Variants in CRYBG2 observed in about 807,000 individuals in gnomAD.
The protein encoded by CRYBG2 is beta/gamma crystallin domain-containing protein 2.
CRYBG2 carries 106 observed loss-of-function variants against 153.4 expected under a neutral mutation model. The observed-to-expected ratio is 0.69, with a 90% CI of 0.59 to 0.81. CRYBG2 has a LOEUF of 0.81. Ranked by LOEUF, CRYBG2 falls within the 30% of genes least tolerant of loss-of-function variation. The probability of loss-of-function intolerance (pLI) is 0.00; values close to 1 mark genes in which losing one functional copy is unlikely to be tolerated. For missense variants in CRYBG2, 1,996 were observed against 2,112.0 expected (o/e 0.95, Z 1.08); for synonymous variants, 851 against 877.8 (o/e 0.97, Z 0.54).
In CRYBG2 at chr1:26,343,851, T is replaced by G. The variant is rs2074164328; in HGVS notation, c.2807A>C (p.His936Pro). ...LGTKLSALLP[H>P]GAPGLRKVPG... The stretch of plus-strand genomic sequence containing the variant: ...CACCTTCCTGAGCCCCGGTGCCCCA[T>G]GGGGCAGCAGAGCAGATAGTTTTGT... Residue 936 changes from histidine (H) to proline (P), a missense_variant, in exon 2 of 20, where the codon CAT becomes CCT. Coordinates refer to ENST00000308182, the MANE Select transcript of CRYBG2 (RefSeq NM_001039775.4). The surrounding 1 kb of genome is among the most constrained non-coding windows in gnomAD (Gnocchi z 4.1). The G allele has an allele frequency of 1.3e-6, 2 of 1,482,238 alleles. No individual in the cohort carries two copies. The highest frequency in any genetic ancestry group is 1.8e-6 in the Non-Finnish European group (2 of 1,113,162). 91.8% of individuals were successfully genotyped at this position (1,482,238 alleles called of 1,614,324 possible).
chr1:26,336,014 G>A lies in CRYBG2; in HGVS notation c.4184+81C>T. 8.4e-7 allele frequency: 1 copy of A among 1,187,556 alleles called. No individual in the cohort carries two copies. Among genetic ancestry groups the A allele is most frequent in the South Asian group, 1.7e-5 (1 of 59,416 alleles). The allele number at this position is 1,187,556 out of a possible 1,614,324, so 73.6% of individuals were successfully genotyped here. A position where few individuals can be genotyped will look rare whatever the true frequency, so the allele number is the denominator to read the frequency against. ...GTTCATCGCAAGGTAGCCAAAGGAAGGAAATCATTTGAAAGACTCTCCTCC... is the reference window on the plus strand; with the variant it reads ...GTTCATCGCAAGGTAGCCAAAGGAAAGAAATCATTTGAAAGACTCTCCTCC... On this transcript the variant is annotated intron_variant, in intron 14 of 19. Transcript: ENST00000308182. The surrounding 1 kb of genome is among the most constrained non-coding windows in gnomAD (Gnocchi z 4.9).
rs34287969 is a variant in CRYBG2 at position 26,329,479 on chromosome 1, A to ATT, written c.4315-608_4315-607dup. Among the ~76,000 whole-genome samples the ATT allele has an allele frequency of 1.6e-4, 23 of 139,610 alleles. No homozygotes were observed. The South Asian group carries it at 3.9e-3, about 23-fold the overall frequency. 91.6% of individuals were successfully genotyped at this position (139,610 alleles called of 152,430 possible). On this transcript the variant is annotated intron_variant, in intron 15 of 19. Transcript: ENST00000308182. Reference sequence around the variant, plus strand: ...GGGTGAGCCACCATGCGCAGCTTAGATTTTTTTTTTTTTTTTTTGAGATAG... The same window carrying ATT: ...GGGTGAGCCACCATGCGCAGCTTAGATTTTTTTTTTTTTTTTTTTTGAGATAG...
intron 5 of CRYBG2, among the ~76,000 whole-genome samples, chr1:26,339,964 C>A (rs577693606): frequency 6.6e-6 from 1 of 152,302 alleles, no homozygotes; most frequent in African/African-American, 2.4e-5. Context: ...GGACCTGGGA[C>A]AGAAGTTCCC....
Position 26,338,411 on chromosome 1 carries a change from G to A in CRYBG2, c.3411C>T (p.Pro1137=), listed in dbSNP as rs1339649531. The change falls in exon 7 of 20, where the codon CCC becomes CCT. Residue 1137 remains proline, a synonymous_variant. Coordinates refer to ENST00000308182, the MANE Select transcript of CRYBG2 (RefSeq NM_001039775.4). ...TPYILEPGEY[P]TSEAWGTSDP... is the part of the protein sequence containing the mutation. ...CCGATGTGCCCCAGGCCTCTGAGGT[G>A]GGGTACTCTCCAGGTTCCAGGATGT... The A allele has an allele frequency of 1.1e-5, 18 of 1,613,554 alleles. No homozygotes were observed. The highest frequency in any genetic ancestry group is 1.4e-5 in the Non-Finnish European group (16 of 1,179,738).
chr1:26,337,465 C>A, intron 9 of CRYBG2, 73 bp downstream of exon 9: 1 of 1,601,474 alleles, frequency 6.2e-7, no homozygotes. Flanking sequence ...CCCTACGCAG[C>A]CCAGGTCACT....
rs1557709703 is a variant in CRYBG2 at position 26,336,757 on chromosome 1, C to T, written c.3912-25G>A. On this transcript the variant is annotated intron_variant, in intron 11 of 19. Transcript: ENST00000308182. The surrounding 1 kb of genome is among the most constrained non-coding windows in gnomAD (Gnocchi z 4.9). ...CCTGCAGGAAGGGCGGGGCGCGAGT[C>T]AGCTGGGACGGAGCCTGCACCTCTC... The T allele has an allele frequency of 9.5e-6, 15 of 1,575,910 alleles. No homozygotes were observed. The highest frequency in any genetic ancestry group is 8.6e-7 in the Non-Finnish European group (1 of 1,160,758).
intron 15 of CRYBG2, among the ~76,000 whole-genome samples, chr1:26,329,447 A>AT: frequency 6.7e-6 from 1 of 150,126 alleles, no homozygotes; most frequent in South Asian, 2.1e-4. Context: ...AAGTGCTGGG[A>AT]TTACAGGGGT....
At chr1:26,328,111 T>G in intron 17 of CRYBG2, 98 bp downstream of exon 17, 1 of 1,456,776 alleles carries the variant, frequency 6.9e-7, no homozygotes, top group Non-Finnish European at 9.1e-7. Flanking sequence ...AGTACACAAA[T>G]GCTGTGTTTG....
At position 26,336,184 on chromosome 1, in the gene CRYBG2, G is replaced by T; in HGVS notation, c.4095C>A (p.Asp1365Glu). 6.4e-7 allele frequency: 1 copy of T among 1,551,146 alleles called. No individual in the cohort carries two copies. Among genetic ancestry groups the T allele is most frequent in the African/African-American group, 1.4e-5 (1 of 73,332 alleles). ...CGAAAGAGAAGTGGTCGCCCAGAAA[G>T]TCGGGGCGGGAGAAAAGCTGAATCT... ...VSKIQLFSRP[D>E]FLGDHFSFED... is the part of the protein sequence containing the mutation. Residue 1365 changes from aspartate to glutamate, a missense_variant, in exon 14 of 20, where the codon GAC becomes GAA. Coordinates refer to ENST00000308182, the MANE Select transcript of CRYBG2 (RefSeq NM_001039775.4). The surrounding 1 kb of genome is among the most constrained non-coding windows in gnomAD (Gnocchi z 4.9).
chr1:26,334,715 G>C (rs969508482), intron 14 of CRYBG2, among the ~76,000 whole-genome samples: 1 of 152,042 alleles, frequency 6.6e-6, no homozygotes, highest in African/African-American at 2.4e-5. Flanking sequence ...ATGAGGTCAA[G>C]AGTTTGAGAC....
At position 26,343,453 on chromosome 1, in the gene CRYBG2, CCTCATCACCCTGTCCCAGGAGCTTGGTG is replaced by C; in HGVS notation, c.2914-188_2914-161del. Among the ~76,000 whole-genome samples the C allele has an allele frequency of 6.6e-6, 1 of 152,304 alleles. No homozygotes were observed. The highest frequency in any genetic ancestry group is 2.4e-5 in the African/African-American group (1 of 41,562). On this transcript the variant is annotated intron_variant, in intron 2 of 19. Coordinates refer to ENST00000308182, the MANE Select transcript of CRYBG2 (RefSeq NM_001039775.4). The surrounding 1 kb of genome is among the most constrained non-coding windows in gnomAD (Gnocchi z 4.1). ...CACACTTGTTCCCAACCCCCAAGGGCCTCATCACCCTGTCCCAGGAGCTTGGTGCTCATCACCCGCCTTCCTCAGCTCC... is the reference window on the plus strand; with the variant it reads ...CACACTTGTTCCCAACCCCCAAGGGCCTCATCACCCGCCTTCCTCAGCTCC...
intron 15 of CRYBG2, among the ~76,000 whole-genome samples, 173 bp downstream of exon 15, chr1:26,331,316 A>G (rs543247989): frequency 6.6e-6 from 1 of 152,338 alleles, no homozygotes; most frequent in East Asian, 1.9e-4. Flanking sequence ...TGGGTGCTCA[A>G]TGAAGAGCTA....
rs1239839859 is a variant in CRYBG2 at position 26,324,225 on chromosome 1, C to T, written c.4664G>A (p.Arg1555His). ...PDHVEDMKAGRVVVADPQAGG... is the reference protein window; with the variant it reads ...PDHVEDMKAGHVVVADPQAGG... ...AGCTTGGGGGTCGGCGACCACCACA[C>T]GGCCTGCTTTCATGTCCTCCACATG... The change falls in exon 18 of 20, where the codon CGT becomes CAT. Residue 1555 changes from arginine (R) to histidine (H), a missense_variant. Transcript: ENST00000308182. 1.1e-5 allele frequency: 17 copies of T among 1,612,964 alleles called. No individual in the cohort carries two copies. Among genetic ancestry groups the T allele is most frequent in the South Asian group, 2.2e-5 (2 of 91,092 alleles).
chr1:26,336,377 G>A lies in CRYBG2; in HGVS notation c.4039-7C>T. 1.2e-6 allele frequency: 2 copies of A among 1,613,202 alleles called. No homozygotes were observed. Among genetic ancestry groups the A allele is most frequent in the South Asian group, 1.1e-5 (1 of 90,828 alleles). ...GCAGATCGTGCTCCCCGACCTGAAG[G>A]TAGGGACCGAATCGAGAATTAGGGA... On this transcript the variant is annotated splice_polypyrimidine_tract_variant and splice_region_variant and intron_variant, in intron 12 of 19. Transcript: ENST00000308182. This position sits in a 1 kb window ranked among gnomAD's most constrained non-coding sequence, Gnocchi z 4.9.
chr1:26,343,136 G>T lies in CRYBG2; in HGVS notation c.2985C>A (p.Gly995=). The part of the protein sequence containing the change: ...PGKVIFFSES[G]CQGSGREVWG... ...AGACCTCCCTGCCACTGCCTTGGCA[G>T]CCAGACTCTGAGAAGAAGATCACCT... Residue 995 remains glycine (G), a synonymous_variant, in exon 4 of 20, where the codon GGC becomes GGA. Coordinates refer to ENST00000308182, the MANE Select transcript of CRYBG2 (RefSeq NM_001039775.4). The surrounding 1 kb of genome is among the most constrained non-coding windows in gnomAD (Gnocchi z 4.1). The T allele has an allele frequency of 6.4e-7, 1 of 1,550,524 alleles. No individual in the cohort carries two copies. Among genetic ancestry groups the T allele is most frequent in the South Asian group, 1.2e-5 (1 of 84,068 alleles).
At chr1:26,331,773 G>A (rs1404871219) in intron 14 of CRYBG2, among the ~76,000 whole-genome samples, 155 bp from the exon 15 acceptor site, 1 of 152,198 alleles carries the variant, frequency 6.6e-6, no homozygotes, top group Non-Finnish European at 1.5e-5. Context: ...AGGGAATGAG[G>A]TCAGACCTAA....
Position 26,328,321 on chromosome 1 carries a change from C to T in CRYBG2, c.4466G>A (p.Cys1489Tyr). 1 of 1,571,024 alleles carries T rather than the reference C, an allele frequency of 6.4e-7. No homozygotes were observed. The highest frequency in any genetic ancestry group is 8.6e-7 in the Non-Finnish European group (1 of 1,157,442). ...GCGGCCCCGGAAGTCACTGTGTTCA[C>T]ATAGCACCCAACTGGGCCCAGCAGG... ...VRIKGGIWVL[C>Y]EHSDFRGRQW... is the part of the protein sequence containing the mutation. Residue 1489 changes from cysteine (C) to tyrosine (Y), a missense_variant, in exon 17 of 20, where the codon TGT (cysteine) becomes TAT (tyrosine). Physicochemically the swap from Cys to Tyr is radical, Grantham distance 194. Transcript: ENST00000308182.
chr1:26,354,056 G>C lies in CRYBG2; in HGVS notation c.-76C>G. 1 of 399,436 alleles carries C rather than the reference G, an allele frequency of 2.5e-6. No individual in the cohort carries two copies. The highest frequency in any genetic ancestry group is 4.4e-6 in the Non-Finnish European group (1 of 226,394). The allele number at this position is 399,436 out of a possible 1,614,324, so 24.7% of individuals were successfully genotyped here. A position where few individuals can be genotyped will look rare whatever the true frequency, so the allele number is the denominator to read the frequency against. On this transcript the variant is annotated 5_prime_UTR_variant, in exon 1 of 20. Transcript: ENST00000308182. ...CCGACCTCTACTCACAGTCTGCGTGGGGACCCAGGTGTCCAGCCAGCCTGG... is the reference window on the plus strand; with the variant it reads ...CCGACCTCTACTCACAGTCTGCGTGCGGACCCAGGTGTCCAGCCAGCCTGG...
chr1:26,333,053 T>TAAA (rs1553167399), intron 14 of CRYBG2, among the ~76,000 whole-genome samples: 31 of 33,054 alleles, frequency 9.4e-4, no homozygotes, highest in Non-Finnish European at 1.3e-3. Flanking sequence ...AAAAGATTTC[T>TAAA]AACAGCGGGA....
Sources: gnomAD v4.1 joint callset for allele counts (sites outside exome capture counted in the v4.1 genomes callset) on GRCh38, gnomAD v4.1.1 for gene constraint, Gnocchi (gnomAD v3.1) non-coding constraint, MANE v1.5 for transcripts, NCBI Gene and HGNC (gene_info 2026-07-23, HGNC 2026-07-21) for gene names.